RIMS1: variants seen among roughly 807,000 people sequenced by gnomAD.
RIMS1 encodes regulating synaptic membrane exocytosis protein 1.
In RIMS1, 83 loss-of-function variants were observed where a neutral mutation model predicts 214.1. That is an observed-to-expected ratio of 0.39 (90% confidence interval 0.32 to 0.47). RIMS1 has a LOEUF of 0.47. RIMS1 is among the 20% of genes least tolerant of loss of function. The pLI, the probability that RIMS1 is intolerant of heterozygous loss-of-function variation, is 0.99. For synonymous variants in RIMS1, 793 were observed against 786.8 expected, an observed-to-expected ratio of 1.01 and a Z score of -0.13; for missense variants, 2,050 against 2,161.8, an observed-to-expected ratio of 0.95 and a Z score of 1.03.
At chr6:72,191,285 A>C (rs925926905) in intron 6 of RIMS1, among the ~76,000 whole-genome samples, 11 of 152,238 alleles carry the variant, frequency 7.2e-5, no homozygotes, top group African/African-American at 2.7e-4. Flanking sequence ...AAGGTTGCCA[A>C]ATGCAGCTAT....
At chr6:71,971,989 C>T (rs1795978740) in intron 2 of RIMS1, among the ~76,000 whole-genome samples, 2 of 152,166 alleles carry the variant, frequency 1.3e-5, no homozygotes, top group South Asian at 4.2e-4. Flanking sequence ...AAGAGGTTGG[C>T]TCTGTTAACC....
At chr6:72,039,868 A>G (rs1820941076) in intron 2 of RIMS1, among the ~76,000 whole-genome samples, 1 of 152,096 alleles carries the variant, frequency 6.6e-6, no homozygotes, top group Non-Finnish European at 1.5e-5. Flanking sequence ...AAAAAATGGT[A>G]TAATTAATAT....
Position 72,368,455 on chromosome 6 carries a change from AT to A in RIMS1, c.4367-22131del, listed in dbSNP as rs34921549. Among the ~76,000 whole-genome samples the A allele has an allele frequency of 4.0e-4, 59 of 146,658 alleles. 1 individual carries two copies. In the South Asian group the frequency reaches 4.6e-3, roughly 11 times the overall value. On this transcript the variant is annotated intron_variant, in intron 29 of 33. Transcript: ENST00000521978. ...TAGCTGGGACTACCACGCCCAGATA[AT>A]TTTTTTTTTTTCTATTTTTAGTAGA...
At chr6:72,348,788 A>G (rs2097351606) in intron 29 of RIMS1, among the ~76,000 whole-genome samples, 1 of 151,864 alleles carries the variant, frequency 6.6e-6, no homozygotes, top group African/African-American at 2.4e-5. Flanking sequence ...CTACTTTACC[A>G]TTACAGTAAA....
At chr6:72,148,096 T>C (rs1190859386) in intron 4 of RIMS1, among the ~76,000 whole-genome samples, 1 of 152,210 alleles carries the variant, frequency 6.6e-6, no homozygotes, top group African/African-American at 2.4e-5. Flanking sequence ...CCAGCTCATT[T>C]TTAAGCCAAA....
intron 7 of RIMS1, among the ~76,000 whole-genome samples, chr6:72,234,094 A>G (rs1334334190): frequency 6.6e-6 from 1 of 152,006 alleles, no homozygotes; most frequent in Admixed American, 6.6e-5. Context: ...ATTGACATTA[A>G]CAAGTCAACA....
At chr6:72,008,886 C>T (rs1809031590) in intron 2 of RIMS1, among the ~76,000 whole-genome samples, 1 of 152,148 alleles carries the variant, frequency 6.6e-6, no homozygotes, top group Admixed American at 6.5e-5. Flanking sequence ...GAGACTTTAA[C>T]ACCCCACTGT....
At chr6:72,386,108 C>T (rs1338658258) in intron 29 of RIMS1, among the ~76,000 whole-genome samples, 4 of 152,038 alleles carry the variant, frequency 2.6e-5, no homozygotes, top group African/African-American at 4.8e-5. Flanking sequence ...TCCTTTACAC[C>T]GTGGAAGCTA....
Position 72,192,150 on chromosome 6 carries a change from C to G in RIMS1, c.1678+9001C>G, listed in dbSNP as rs115307378. ...TGTGTCCGGGGACCCACTGGACCCA[C>G]TGTAAGTTGGATCTGAGTTAAAACT... is the stretch of plus-strand genomic sequence containing the variant. On this transcript the variant is annotated intron_variant, in intron 6 of 33. Transcript: ENST00000521978. Among the ~76,000 whole-genome samples, 1,171 of 152,322 alleles carry G rather than the reference C, an allele frequency of 7.7e-3. 19 individuals are homozygous for G. The highest frequency in any genetic ancestry group is 0.027 in the African/African-American group (1,111 of 41,560).
intron 1 of RIMS1, among the ~76,000 whole-genome samples, chr6:71,950,544 A>G (rs1041467414): frequency 1.3e-5 from 2 of 152,188 alleles, no homozygotes; most frequent in Admixed American, 1.3e-4. Flanking sequence ...TGAGCCTATC[A>G]TTAGGATTTG....
At chr6:72,119,934 C>A (rs554170063) in intron 4 of RIMS1, among the ~76,000 whole-genome samples, 1 of 151,530 alleles carries the variant, frequency 6.6e-6, no homozygotes, top group African/African-American at 2.4e-5. Flanking sequence ...ATAGTTTCCT[C>A]GGAATGATGG....
At chr6:72,225,687 A>G (rs1223185303) in intron 6 of RIMS1, among the ~76,000 whole-genome samples, 1 of 152,152 alleles carries the variant, frequency 6.6e-6, no homozygotes. Flanking sequence ...GCACTTGACA[A>G]CCTGTTCTCC....
chr6:72,348,404 G>A lies in RIMS1; in HGVS notation c.4366+14569G>A, dbSNP rs1356657430. Among the ~76,000 whole-genome samples, 5 of 151,846 alleles carry A rather than the reference G, an allele frequency of 3.3e-5. No individual in the cohort carries two copies. The Admixed American group carries it at 3.3e-4, about 10-fold the overall frequency. On this transcript the variant is annotated intron_variant, in intron 29 of 33. Transcript: ENST00000521978. ...CGTTTACTGTCGGACGACTGTAGAA[G>A]TGATTTGTCTATTACTTTGCAACCT...
chr6:72,325,334 G>A (rs901063653), intron 28 of RIMS1, among the ~76,000 whole-genome samples: 5 of 151,794 alleles, frequency 3.3e-5, no homozygotes, highest in African/African-American at 4.8e-5. Flanking sequence ...TACAGTTTAT[G>A]TGATTATGCA....
intron 4 of RIMS1, among the ~76,000 whole-genome samples, chr6:72,167,464 T>G (rs1349993110): frequency 6.6e-6 from 1 of 152,114 alleles, no homozygotes; most frequent in Non-Finnish European, 1.5e-5. Flanking sequence ...CAGAAGCGAA[T>G]GTGGTTCTCC....
intron 1 of RIMS1, among the ~76,000 whole-genome samples, chr6:71,915,181 T>G (rs192139403): frequency 1.3e-3 from 205 of 152,254 alleles, no homozygotes; most frequent in Middle Eastern, 3.4e-3. Flanking sequence ...CCTTATATAT[T>G]GACAACTTTT....
At chr6:72,114,989 T>C (rs1456578595) in intron 4 of RIMS1, among the ~76,000 whole-genome samples, 1 of 151,952 alleles carries the variant, frequency 6.6e-6, no homozygotes, top group East Asian at 1.9e-4. Flanking sequence ...TGTTTATCCA[T>C]GTCCAAATAT....
intron 2 of RIMS1, among the ~76,000 whole-genome samples, chr6:71,995,466 G>GTGTGTA (rs1316492777): frequency 2.0e-5 from 3 of 151,290 alleles, no homozygotes; most frequent in Non-Finnish European, 1.5e-5. Flanking sequence ...GTGTGTGTGT[G>GTGTGTA]TGTGTGTGTG....
chr6:71,991,341 C>T (rs1442293265), intron 2 of RIMS1, among the ~76,000 whole-genome samples: 1 of 151,998 alleles, frequency 6.6e-6, no homozygotes, highest in Non-Finnish European at 1.5e-5. Flanking sequence ...TTTAAAAATG[C>T]CTAATTCTAT....
Sources: allele counts gnomAD v4.1 joint callset (sites outside exome capture counted in the v4.1 genomes callset), GRCh38; gene constraint gnomAD v4.1.1; transcripts MANE v1.5; gene names NCBI Gene and HGNC (gene_info 2026-07-23, HGNC 2026-07-21).